Variants in CDK6 observed in about 807,000 individuals in gnomAD.
CDK6 encodes the protein cyclin dependent kinase 6.
CDK6 carries 6 observed loss-of-function variants against 37.1 expected under a neutral mutation model. The observed-to-expected ratio is 0.16, with a 90% CI of 0.09 to 0.32. CDK6 has a LOEUF of 0.32. Ranked by LOEUF, CDK6 falls within the 10% of genes least tolerant of loss-of-function variation. CDK6 has a pLI of 1.00. For missense variants in CDK6, 224 were observed against 418.9 expected (o/e 0.53, Z 4.06); for synonymous variants, 160 against 161.3 (o/e 0.99, Z 0.06).
Position 92,631,696 on chromosome 7 carries a change from G to A in CDK6, c.648-8610C>T, listed in dbSNP as rs182228811. On this transcript the variant is annotated intron_variant, in intron 5 of 7. Coordinates refer to ENST00000424848, the MANE Select transcript of CDK6 (RefSeq NM_001145306.2). ...TCTAAGGAGGCAACCACAACTAGGG[G>A]GTCACTGGGGTGGAGCTACCTACAC... is the stretch of plus-strand genomic sequence containing the variant. 9.2e-5 allele frequency among the ~76,000 whole-genome samples: 14 copies of A among 152,246 alleles called. No homozygotes were observed. The East Asian group carries it at 2.7e-3, about 29-fold the overall frequency.
At chr7:92,661,349 A>G (rs1796830522) in intron 5 of CDK6, among the ~76,000 whole-genome samples, 2 of 152,320 alleles carry the variant, frequency 1.3e-5, no homozygotes, top group African/African-American at 4.8e-5. Flanking sequence ...CACCAAATAT[A>G]GCTGACCCTC....
intron 3 of CDK6, among the ~76,000 whole-genome samples, chr7:92,746,928 T>C (rs931461349): frequency 7.2e-5 from 11 of 152,180 alleles, no homozygotes; most frequent in Non-Finnish European, 1.5e-4. Context: ...GTATCAATTT[T>C]GCTGGATTGT....
intron 4 of CDK6, among the ~76,000 whole-genome samples, chr7:92,673,924 C>T (rs2116610000): frequency 6.6e-6 from 1 of 151,994 alleles, no homozygotes; most frequent in South Asian, 2.1e-4. Context: ...ACTACAGGCG[C>T]ACGCCACCAC....
Position 92,613,592 on chromosome 7 carries a change from A to G in CDK6, c.*1548T>C. ...CCAGGCTGGCTCTGTAGAGAGCAGGAGTGAGCACAAGGCACTAGAAATAAG... is the reference window on the plus strand; with the variant it reads ...CCAGGCTGGCTCTGTAGAGAGCAGGGGTGAGCACAAGGCACTAGAAATAAG... On this transcript the variant is annotated 3_prime_UTR_variant, in exon 8 of 8. Transcript: ENST00000424848. 1.3e-5 allele frequency: 3 copies of G among 233,542 alleles called. No individual in the cohort carries two copies. Among genetic ancestry groups the G allele is most frequent in the Non-Finnish European group, 2.5e-5 (3 of 118,046 alleles). 14.5% of individuals were successfully genotyped at this position (233,542 alleles called of 1,614,324 possible).
chr7:92,760,436 A>G (rs949843860), intron 3 of CDK6, among the ~76,000 whole-genome samples: 1 of 152,178 alleles, frequency 6.6e-6, no homozygotes, highest in Non-Finnish European at 1.5e-5. Flanking sequence ...AAAGGAAGTG[A>G]CACTATGTTG....
chr7:92,811,745 G>T (rs1396066575), intron 2 of CDK6, among the ~76,000 whole-genome samples: 1 of 152,048 alleles, frequency 6.6e-6, no homozygotes, highest in African/African-American at 2.4e-5. Flanking sequence ...CATAATATTA[G>T]AATTTGAAGA....
chr7:92,757,184 T>C (rs891068357), intron 3 of CDK6, among the ~76,000 whole-genome samples: 2 of 152,202 alleles, frequency 1.3e-5, no homozygotes, highest in South Asian at 4.1e-4. Context: ...TGGGGGTACA[T>C]GTGAAGATTT....
intron 5 of CDK6, among the ~76,000 whole-genome samples, chr7:92,650,958 C>T (rs1414232583): frequency 8.6e-5 from 13 of 151,846 alleles, no homozygotes; most frequent in African/African-American, 2.9e-4. Context: ...GGTGCAATCT[C>T]GGCTCACTGC....
intron 4 of CDK6, among the ~76,000 whole-genome samples, chr7:92,678,446 G>A (rs1185299265): frequency 1.3e-5 from 2 of 151,856 alleles, no homozygotes; most frequent in Non-Finnish European, 2.9e-5. Context: ...AGGCAGGGGG[G>A]AGTTCAAGGA....
chr7:92,630,569 A>C (rs1240763660), intron 5 of CDK6, among the ~76,000 whole-genome samples: 1 of 152,196 alleles, frequency 6.6e-6, no homozygotes, highest in Non-Finnish European at 1.5e-5. Flanking sequence ...AAGGGTGAAG[A>C]CTTTATATTA....
rs567270036 is a variant in CDK6 at position 92,767,881 on chromosome 7, A to G, written c.369+6815T>C. Among the ~76,000 whole-genome samples, 16 of 152,258 alleles carry G rather than the reference A, an allele frequency of 1.1e-4. No homozygotes were observed. The South Asian group carries it at 2.9e-3, about 28-fold the overall frequency. On this transcript the variant is annotated intron_variant, in intron 3 of 7. Transcript: ENST00000424848. Reference sequence around the variant, plus strand: ...CAGAATATAGGTCACATTCCTGGTAAAAGTTTGGATGCCTGTTTTTTAAAA... The same window carrying G: ...CAGAATATAGGTCACATTCCTGGTAGAAGTTTGGATGCCTGTTTTTTAAAA...
rs1562980181 is a variant in CDK6 at position 92,833,336 on chromosome 7, C to A, written c.-13G>T. ...CGTCCTTCTCCATGCCGCCTGGACG[C>A]CGCCCGCCGCGGCGCCGCTGGGGCG... is the stretch of plus-strand genomic sequence containing the variant. On this transcript the variant is annotated 5_prime_UTR_variant, in exon 2 of 8. Transcript: ENST00000424848. This position sits in a 1 kb window ranked among gnomAD's most constrained non-coding sequence, Gnocchi z 6.1. 1 of 1,547,368 alleles carries A rather than the reference C, an allele frequency of 6.5e-7. No homozygotes were observed. Among genetic ancestry groups the A allele is most frequent in the Non-Finnish European group, 8.7e-7 (1 of 1,148,778 alleles).
Position 92,606,686 on chromosome 7 carries a change from A to G in CDK6, c.*8454T>C. On this transcript the variant is annotated 3_prime_UTR_variant, in exon 8 of 8. Transcript: ENST00000424848. ...ATTTTCTATTATAAGTCAGAAGGAA[A>G]AAAGCTTACTGTATGTGACAGTCTT... 4.3e-6 allele frequency: 1 copy of G among 233,238 alleles called. No homozygotes were observed. Among genetic ancestry groups the G allele is most frequent in the East Asian group, 6.1e-5 (1 of 16,528 alleles). The allele number at this position is 233,238 out of a possible 1,614,324, so 14.4% of individuals were successfully genotyped here.
intron 4 of CDK6, among the ~76,000 whole-genome samples, chr7:92,693,688 C>T (rs954354846): frequency 5.3e-5 from 8 of 152,112 alleles, no homozygotes; most frequent in Non-Finnish European, 1.2e-4. Context: ...GTCAATCTTT[C>T]TTTTCCAGTC....
chr7:92,740,498 T>C (rs1479863973), intron 3 of CDK6, among the ~76,000 whole-genome samples: 2 of 152,184 alleles, frequency 1.3e-5, no homozygotes, highest in African/African-American at 2.4e-5. Context: ...TTATTCCACT[T>C]TACTCTAACT....
rs1378540043 is a variant in CDK6, at chr7:92,833,931, G to C, written c.-367-241C>G. 1.3e-5 allele frequency: 5 copies of C among 398,806 alleles called. No homozygotes were observed. In the Admixed American group the frequency reaches 1.8e-4, roughly 14 times the overall value. 24.7% of individuals were successfully genotyped at this position (398,806 alleles called of 1,614,324 possible). A position where few individuals can be genotyped will look rare whatever the true frequency, so the allele number is the denominator to read the frequency against. Reference sequence around the variant, plus strand: ...CGCGGAGAGGTTGCAGGGGCCCCTCGGGGATGAGCGAGCGGCGCGGGACGC... The same window carrying C: ...CGCGGAGAGGTTGCAGGGGCCCCTCCGGGATGAGCGAGCGGCGCGGGACGC... On this transcript the variant is annotated intron_variant, in intron 1 of 7. Transcript: ENST00000424848. This position sits in a 1 kb window ranked among gnomAD's most constrained non-coding sequence, Gnocchi z 6.1.
chr7:92,672,248 T>C (rs1193826811), intron 4 of CDK6, among the ~76,000 whole-genome samples: 28 of 72,928 alleles, frequency 3.8e-4, no homozygotes, highest in African/African-American at 2.4e-3. Context: ...CACACATATA[T>C]GAAGATGGTG....
At chr7:92,740,514 G>A (rs1323747777) in intron 3 of CDK6, among the ~76,000 whole-genome samples, 2 of 152,122 alleles carry the variant, frequency 1.3e-5, no homozygotes, top group African/African-American at 4.8e-5. Context: ...TAACTGTAAT[G>A]TCACCCTCCC....
intron 3 of CDK6, among the ~76,000 whole-genome samples, chr7:92,732,572 C>T (rs1374332588): frequency 1.3e-5 from 2 of 152,138 alleles, no homozygotes; most frequent in Admixed American, 6.5e-5. Context: ...AGCTGGTTTT[C>T]CACAAGAGTA....
Sources: allele counts gnomAD v4.1 joint callset (sites outside exome capture counted in the v4.1 genomes callset), GRCh38; gene constraint gnomAD v4.1.1; non-coding constraint Gnocchi (gnomAD v3.1); transcripts MANE v1.5; gene names NCBI Gene and HGNC (gene_info 2026-07-23, HGNC 2026-07-21).